PLK2: variants seen among roughly 807,000 people sequenced by gnomAD.
PLK2 encodes the protein polo like kinase 2, also known as serine/threonine-protein kinase PLK2.
Under a neutral mutation model 78.1 loss-of-function variants are expected in PLK2, and 25 were observed. The ratio of observed to expected loss-of-function variants is 0.32; its 90% CI spans 0.23 to 0.45. The LOEUF is 0.45. Ranked by LOEUF, PLK2 falls within the 20% of genes least tolerant of loss-of-function variation. PLK2 has a pLI of 1.00. For synonymous variants in PLK2, 332 were observed against 298.2 expected (o/e 1.11, Z -1.17); for missense variants, 566 against 840.2 (o/e 0.67, Z 4.04).
At position 58,456,530 on chromosome 5, in the gene PLK2, A is replaced by C. The variant is rs758394491; in HGVS notation, c.1216T>G (p.Ser406Ala). ...TGTTTGCTGGGTTGCTGAGTTATTG[A>C]AGTCTTTTTCAAATCATGCCTAAGC... ...YKLRHDLKKT[S>A]ITQQPSKHRT... Residue 406 changes from serine (S) to alanine (A), a missense_variant, in exon 9 of 14, where the codon TCA becomes GCA. Around this residue, in one of 5 missense-constraint regions of PLK2, gnomAD observed 129 missense variants for 156.0 expected, o/e 0.83. Transcript: ENST00000274289. 6.2e-7 allele frequency: 1 copy of C among 1,612,802 alleles called. No individual in the cohort carries two copies. The highest frequency in any genetic ancestry group is 8.5e-7 in the Non-Finnish European group (1 of 1,178,852).
chr5:58,458,633 G>A (rs1743672804), intron 3 of PLK2, 92 bp downstream of exon 3: 2 of 1,275,138 alleles, frequency 1.6e-6, no homozygotes, highest in South Asian at 2.6e-5. Flanking sequence ...CAGTGTAAGT[G>A]CTGCCACAGC....
rs1303652713 is a variant in PLK2, at chr5:58,457,035, A to G, written c.1066T>C (p.Leu356=). ...SCCHTVPDFH[L]SSPAKNFFKK... ...AAGAAATTCTTAGCTGGGCTTGATA[A>G]GTGGAAATCTGGAACTGTATGACAA... Residue 356 remains leucine, a synonymous_variant, in exon 8 of 14, where the codon TTA becomes CTA. Coordinates refer to ENST00000274289, the MANE Select transcript of PLK2 (RefSeq NM_006622.4). 6.2e-7 allele frequency: 1 copy of G among 1,613,760 alleles called. No individual in the cohort carries two copies. The highest frequency in any genetic ancestry group is 1.7e-4 in the Middle Eastern group (1 of 6,060).
In PLK2 at chr5:58,458,103, G is replaced by C. The variant is rs758080246; in HGVS notation, c.694C>G (p.Pro232Ala). The change falls in exon 5 of 14, where the codon CCC (proline) becomes GCC (alanine). Residue 232 changes from proline to alanine, a missense_variant. Transcript: ENST00000274289. ...TCTTACCTCCTTCTGTGTTCCAAGGGTTCTAGCCTGGCTGCCAGACCGAAG... is the reference window on the plus strand; with the variant it reads ...TCTTACCTCCTTCTGTGTTCCAAGGCTTCTAGCCTGGCTGCCAGACCGAAG... ...GDFGLAARLE[P>A]LEHRRRTICG... is the part of the protein sequence containing the mutation. The C allele has an allele frequency of 6.2e-7, 1 of 1,612,666 alleles. No homozygotes were observed. Among genetic ancestry groups the C allele is most frequent in the South Asian group, 1.1e-5 (1 of 91,044 alleles).
intron 1 of PLK2, 49 bp downstream of exon 1, chr5:58,459,641 C>T: frequency 6.7e-7 from 1 of 1,483,116 alleles, no homozygotes; most frequent in Non-Finnish European, 9.0e-7. Flanking sequence ...TGGGGTCGCC[C>T]GGACAGACCT....
chr5:58,456,741 C>T, intron 8 of PLK2, 152 bp from the exon 9 acceptor site: 1 of 632,294 alleles, frequency 1.6e-6, no homozygotes, highest in Non-Finnish European at 2.7e-6. Context: ...CTGCAGCTAC[C>T]CCCAAAAGCC....
In PLK2 at chr5:58,458,091, T is replaced by C. The variant is rs1455621850; in HGVS notation, c.706A>G (p.Arg236Gly). ...CATCTTTCTGACTCTTACCTCCTTC[T>C]GTGTTCCAAGGGTTCTAGCCTGGCT... ...LAARLEPLEH[R>G]RRTICGTPNY... Residue 236 changes from arginine (R) to glycine (G), a missense_variant, in exon 5 of 14, where the codon AGA becomes GGA. Transcript: ENST00000274289. The C allele has an allele frequency of 1.2e-6, 2 of 1,607,714 alleles. No homozygotes were observed. The highest frequency in any genetic ancestry group is 2.2e-5 in the East Asian group (1 of 44,866).
chr5:58,454,729 T>G lies in PLK2; in HGVS notation c.1912A>C (p.Asn638His). 6.2e-7 allele frequency: 1 copy of G among 1,613,128 alleles called. No individual in the cohort carries two copies. The highest frequency in any genetic ancestry group is 8.5e-7 in the Non-Finnish European group (1 of 1,179,228). The change falls in exon 14 of 14, where the codon AAT becomes CAT. Residue 638 changes from asparagine to histidine, a missense_variant. Asn to His is a moderately conservative substitution (Grantham distance 68). Coordinates refer to ENST00000274289, the MANE Select transcript of PLK2 (RefSeq NM_006622.4). ...ATGTAGGTGAGAAGGTATTCTTCATTTTGGCTACAGATGATGATTTTTGTA... is the reference window on the plus strand; with the variant it reads ...ATGTAGGTGAGAAGGTATTCTTCATGTTGGCTACAGATGATGATTTTTGTA... The part of the protein sequence containing the change: ...DHTKIIICSQ[N>H]EEYLLTYINE...
intron 11 of PLK2, 47 bp from the exon 12 acceptor site, chr5:58,455,461 A>G (rs1743572313): frequency 6.2e-7 from 1 of 1,611,126 alleles, no homozygotes; most frequent in Admixed American, 1.7e-5. Flanking sequence ...AAAAAATAGA[A>G]GCAGTTAATC....
intron 1 of PLK2, 35 bp downstream of exon 1, chr5:58,459,655 G>GCCCC: frequency 6.6e-7 from 1 of 1,514,536 alleles, no homozygotes; most frequent in Non-Finnish European, 8.8e-7. Flanking sequence ...CAGACCTCCC[G>GCCCC]CCCGCCCGGC....
chr5:58,455,694 A>T lies in PLK2; in HGVS notation c.1470T>A (p.Asp490Glu). The change falls in exon 11 of 14, where the codon GAT (aspartate) becomes GAA (glutamate). Residue 490 changes from aspartate to glutamate, a missense_variant. This residue lies in a region of PLK2 where 129 missense variants were observed against 156.0 expected (regional missense o/e 0.83). Coordinates refer to ENST00000274289, the MANE Select transcript of PLK2 (RefSeq NM_006622.4). ...RGCLENMPEA[D>E]CIPKEQLSTS... Reference sequence around the variant, plus strand: ...TGCTCAGCTGCTCTTTGGGAATGCAATCAGCTTCCGGCATGTTTTCCAGAC... The same window carrying T: ...TGCTCAGCTGCTCTTTGGGAATGCATTCAGCTTCCGGCATGTTTTCCAGAC... 6.2e-7 allele frequency: 1 copy of T among 1,614,154 alleles called. No individual in the cohort carries two copies. Among genetic ancestry groups the T allele is most frequent in the Non-Finnish European group, 8.5e-7 (1 of 1,180,022 alleles).
rs767283246 is a variant in PLK2, at chr5:58,457,096, T to G, written c.1009-4A>C. 7 of 1,611,882 alleles carry G rather than the reference T, an allele frequency of 4.3e-6. No individual in the cohort carries two copies. The highest frequency in any genetic ancestry group is 1.3e-5 in the African/African-American group (1 of 74,552). ...ACAGTCTGTCCGGAGTGAAGCCCTG[T>G]GGAATATTAGAAAAAGCCTTCAGTA... On this transcript the variant is annotated splice_polypyrimidine_tract_variant and splice_region_variant and intron_variant, in intron 7 of 13. Coordinates refer to ENST00000274289, the MANE Select transcript of PLK2 (RefSeq NM_006622.4).
At chr5:58,458,938 C>T (rs1177733375) in intron 2 of PLK2, 47 bp downstream of exon 2, 1 of 1,340,302 alleles carries the variant, frequency 7.5e-7, no homozygotes, top group Admixed American at 1.7e-5. Context: ...CAGGGAAGGG[C>T]CATCCTTGCA....
rs1339553359 is a variant in PLK2, at chr5:58,454,584, C to T, written c.2057G>A (p.Ter686=). 1.2e-6 allele frequency: 2 copies of T among 1,605,266 alleles called. No homozygotes were observed. The highest frequency in any genetic ancestry group is 2.2e-5 in the South Asian group (2 of 90,052). ...ALNMLLQRCN[*] is the part of the protein sequence containing the mutation. ...CATAGGGTCCATTCGAAAAGTCTTT[C>T]AGTTACATCTTTGTAAGAGCATGTT... The change falls in exon 14 of 14, where the codon TGA becomes TAA. Residue 686 remains the stop codon, a stop_retained_variant. Coordinates refer to ENST00000274289, the MANE Select transcript of PLK2 (RefSeq NM_006622.4).
intron 10 of PLK2, 59 bp from the exon 11 acceptor site, chr5:58,455,838 G>C: frequency 1.3e-6 from 2 of 1,589,964 alleles, no homozygotes; most frequent in Non-Finnish European, 1.7e-6. Context: ...AAAACCTCAG[G>C]CTTTGGTAGA....
In PLK2 at chr5:58,459,110, C is replaced by G; in HGVS notation, c.271-18G>C. ...AAGCCACCCTGAAAGGAAACAAAGC[C>G]GAGACGGAATTGAGGATGGCACAAA... On this transcript the variant is annotated intron_variant, in intron 1 of 13. Coordinates refer to ENST00000274289, the MANE Select transcript of PLK2 (RefSeq NM_006622.4). The G allele has an allele frequency of 7.2e-7, 1 of 1,392,668 alleles. No homozygotes were observed. The highest frequency in any genetic ancestry group is 1.0e-6 in the Non-Finnish European group (1 of 979,790). The allele number at this position is 1,392,668 out of a possible 1,614,324, so 86.3% of individuals were successfully genotyped here. A position where few individuals can be genotyped will look rare whatever the true frequency, so the allele number is the denominator to read the frequency against.
At chr5:58,459,663 G>C in intron 1 of PLK2, 27 bp downstream of exon 1, 3 of 1,523,552 alleles carry the variant, frequency 2.0e-6, no homozygotes, top group South Asian at 1.3e-5. Context: ...CCGCCCGCCC[G>C]GCAGCCCGGC....
chr5:58,456,240 CA>C, intron 9 of PLK2, 85 bp from the exon 10 acceptor site: 2 of 1,321,776 alleles, frequency 1.5e-6, no homozygotes, highest in Non-Finnish European at 2.1e-6. Context: ...GAGAGTGAGG[CA>C]ATTGCTGGGA....
intron 8 of PLK2, 96 bp downstream of exon 8, chr5:58,456,849 C>T: frequency 2.5e-6 from 2 of 794,874 alleles, no homozygotes; most frequent in Non-Finnish European, 4.0e-6. Flanking sequence ...GCAAATATGG[C>T]CAAGTTATGC....
At chr5:58,459,195 A>G (rs1743688318) in intron 1 of PLK2, 103 bp from the exon 2 acceptor site, 1 of 702,270 alleles carries the variant, frequency 1.4e-6, no homozygotes, top group African/African-American at 1.8e-5. Flanking sequence ...GCAAAAAAAA[A>G]AAAATTGAGG....
Sources: gnomAD v4.1 joint callset for allele counts on GRCh38, gnomAD v4.1.1 for gene constraint, gnomAD v4.1.1 regional missense constraint, MANE v1.5 for transcripts, NCBI Gene and HGNC (gene_info 2026-07-23, HGNC 2026-07-21) for gene names.